The following TTC39C variants were observed in gnomAD, a reference collection of about 807,000 sequenced individuals.
TTC39C encodes the protein tetratricopeptide repeat domain 39C, also known as tetratricopeptide repeat protein 39C.
In TTC39C, 33 loss-of-function variants were observed where a neutral mutation model predicts 76.3. The observed-to-expected ratio is 0.43, with a 90% confidence interval of 0.33 to 0.58. The LOEUF (loss-of-function observed/expected upper bound fraction) is 0.58, where lower values mean the gene tolerates loss of function less well. Ranked by LOEUF, TTC39C falls within the 20% of genes least tolerant of loss-of-function variation. The probability of loss-of-function intolerance (pLI) is 0.04; values close to 1 mark genes in which losing one functional copy is unlikely to be tolerated. For synonymous variants in TTC39C, 254 were observed against 260.6 expected (o/e 0.97, Z 0.24); for missense variants, 595 against 701.4 (o/e 0.85, Z 1.71).
intron 5 of TTC39C, 94 bp downstream of exon 5, chr18:24,081,033 T>A (rs1396775688): frequency 7.5e-6 from 9 of 1,201,800 alleles, no homozygotes; most frequent in African/African-American, 1.5e-5. Flanking sequence ...TCAGGTAAAA[T>A]GTTTGGTTGG....
chr18:24,076,544 C>T (rs1599302324), intron 4 of TTC39C, among the ~76,000 whole-genome samples: 1 of 151,962 alleles, frequency 6.6e-6, no homozygotes, highest in Non-Finnish European at 1.5e-5. Context: ...GCCTCTGCCT[C>T]CTCCTGCTTG....
chr18:24,015,199 C>T, intron 1 of TTC39C, 161 bp downstream of exon 1: 1 of 588,492 alleles, frequency 1.7e-6, no homozygotes. Context: ...AGGGAATGCG[C>T]CTCTGCCACA....
In TTC39C at chr18:24,080,710, G is replaced by A; in HGVS notation, c.586G>A (p.Ala196Thr). 1.9e-6 allele frequency: 3 copies of A among 1,614,136 alleles called. No homozygotes were observed. The Admixed American group carries it at 5.0e-5, about 27-fold the overall frequency. ...KLTEESLTSDAANDNHIVAEG... is the reference protein window; with the variant it reads ...KLTEESLTSDTANDNHIVAEG... ...AACTGAAGAGTCCTTGACTTCTGAT[G>A]CTGCAAATGATAATCACATTGTGGC... Residue 196 changes from alanine (A) to threonine (T), a missense_variant, in exon 5 of 14, where the codon GCT (alanine) becomes ACT (threonine). By Grantham distance (58) the Ala-to-Thr change is moderately conservative. Coordinates refer to ENST00000317571, the MANE Select transcript of TTC39C (RefSeq NM_001135993.2).
chr18:24,010,932 C>T (rs2030515359), upstream of TTC39C, among the ~76,000 whole-genome samples: 1 of 152,084 alleles, frequency 6.6e-6, no homozygotes, highest in Non-Finnish European at 1.5e-5. Flanking sequence ...CCTGTAGTTC[C>T]AGCTACTCAG....
chr18:24,066,188 A>G (rs769615780), intron 3 of TTC39C, 48 bp downstream of exon 3: 3 of 1,545,842 alleles, frequency 1.9e-6, no homozygotes, highest in Admixed American at 4.8e-5. Flanking sequence ...CTTATTTAGA[A>G]TATCACTTTT....
At chr18:24,111,838 G>C (rs2145805226) in intron 6 of TTC39C, among the ~76,000 whole-genome samples, 1 of 152,056 alleles carries the variant, frequency 6.6e-6, no homozygotes, top group Admixed American at 6.5e-5. Flanking sequence ...GGAGATTGAG[G>C]CAGCAGTGAG....
chr18:24,025,768 G>A (rs543408127), intron 1 of TTC39C, among the ~76,000 whole-genome samples: 7 of 152,308 alleles, frequency 4.6e-5, no homozygotes, highest in South Asian at 4.1e-4. Flanking sequence ...ACCAGATTTG[G>A]TCTCTGTGGC....
upstream of TTC39C, among the ~76,000 whole-genome samples, chr18:24,013,282 G>A (rs781207129): frequency 2.0e-5 from 3 of 152,182 alleles, no homozygotes; most frequent in Non-Finnish European, 4.4e-5. Flanking sequence ...GGTTCCAGAT[G>A]TACTCAAGAA....
chr18:24,054,118 T>A (rs2145716031), intron 1 of TTC39C, among the ~76,000 whole-genome samples: 1 of 152,298 alleles, frequency 6.6e-6, no homozygotes, highest in South Asian at 2.1e-4. Flanking sequence ...AAGACTGTCT[T>A]GGGGAGTAAC....
intron 6 of TTC39C, among the ~76,000 whole-genome samples, chr18:24,101,688 C>T (rs1011324881): frequency 6.6e-6 from 1 of 152,166 alleles, no homozygotes; most frequent in Admixed American, 6.5e-5. Flanking sequence ...TTATGCCAGT[C>T]TTGACACATA....
chr18:23,998,429 G>A (rs931908165), intron 1 of TTC39C, among the ~76,000 whole-genome samples: 1 of 152,128 alleles, frequency 6.6e-6, no homozygotes, highest in Non-Finnish European at 1.5e-5. Flanking sequence ...GGCCAACATG[G>A]TGAGACCCCC....
chr18:24,015,125 C>T (rs2083437296), intron 1 of TTC39C, 87 bp downstream of exon 1: 1 of 1,237,208 alleles, frequency 8.1e-7, no homozygotes, highest in South Asian at 2.0e-5. Context: ...CCCGGGAGCC[C>T]CCTCCCCCTC....
chr18:24,020,160 G>A, intron 1 of TTC39C: 1 of 1,204,426 alleles, frequency 8.3e-7, no homozygotes, highest in South Asian at 3.4e-5. Context: ...TGGCGGGAAA[G>A]ACAGGAAACT....
chr18:24,131,805 A>G (rs1423149036), intron 12 of TTC39C, 77 bp from the exon 13 acceptor site: 13 of 1,237,516 alleles, frequency 1.1e-5, no homozygotes. Context: ...TTTAATTAAC[A>G]TAGCCTCCTA....
At chr18:24,070,151 C>T (rs145230482) in intron 4 of TTC39C, among the ~76,000 whole-genome samples, 12 of 152,148 alleles carry the variant, frequency 7.9e-5, no homozygotes, top group Non-Finnish European at 1.3e-4. Flanking sequence ...CTGTCTCGTA[C>T]GAACGATGCT....
At chr18:24,039,466 G>A (rs2083767420) in intron 1 of TTC39C, among the ~76,000 whole-genome samples, 2 of 152,200 alleles carry the variant, frequency 1.3e-5, no homozygotes, top group South Asian at 4.1e-4. Context: ...TTTCCACTTG[G>A]GTGGTAAGGA....
In TTC39C at chr18:24,123,935, G is replaced by A; in HGVS notation, c.1288G>A (p.Val430Met). 1.9e-6 allele frequency: 3 copies of A among 1,607,240 alleles called. No individual in the cohort carries two copies. The highest frequency in any genetic ancestry group is 2.2e-5 in the South Asian group (2 of 90,552). The change falls in exon 9 of 14, where the codon GTG becomes ATG. Residue 430 changes from valine to methionine, a missense_variant. Transcript: ENST00000317571. The part of the protein sequence containing the change: ...RKNNQIEQFS[V>M]KKAERFRKQT... Reference sequence around the variant, plus strand: ...AAACAATCAGATTGAACAGTTCTCGGTGAAAAAGGTATGTTGGAGCCTATT... The same window carrying A: ...AAACAATCAGATTGAACAGTTCTCGATGAAAAAGGTATGTTGGAGCCTATT...
intron 1 of TTC39C, among the ~76,000 whole-genome samples, chr18:24,058,537 G>T (rs2084047363): frequency 6.6e-6 from 1 of 151,896 alleles, no homozygotes; most frequent in Admixed American, 6.6e-5. Context: ...AACCTGAGGT[G>T]CCAGCTACTT....
At chr18:24,087,582 G>GTTTTTTTTTTGGT (rs1555774953) in intron 6 of TTC39C, among the ~76,000 whole-genome samples, 1 of 124,144 alleles carries the variant, frequency 8.1e-6, no homozygotes, top group East Asian at 2.2e-4. Flanking sequence ...TTTGAGAACT[G>GTTTTTTTTTTGGT]TTTTTTTTTT....
Sources: allele counts gnomAD v4.1 joint callset (sites outside exome capture counted in the v4.1 genomes callset), GRCh38; gene constraint gnomAD v4.1.1; transcripts MANE v1.5; gene names NCBI Gene and HGNC (gene_info 2026-07-23, HGNC 2026-07-21).